Variants in KHDRBS2 observed in about 807,000 individuals in gnomAD.
KHDRBS2 encodes KH RNA binding domain containing, signal transduction associated 2, also known as KH domain-containing, RNA-binding, signal transduction-associated protein 2.
KHDRBS2 carries 26 observed loss-of-function variants against 44.3 expected under a neutral mutation model. That is an observed-to-expected ratio of 0.59 (90% confidence interval 0.43 to 0.81). KHDRBS2 has a LOEUF of 0.81. Among genes scored for constraint, KHDRBS2 ranks in the 40% least tolerant of loss-of-function variants. The pLI is 0.00. For missense variants in KHDRBS2, 476 were observed against 433.1 expected (o/e 1.10, Z -0.88); for synonymous variants, 194 against 151.1 (o/e 1.28, Z -2.08).
At chr6:62,282,796 C>T (rs1186419482) in intron 1 of KHDRBS2, among the ~76,000 whole-genome samples, 3 of 152,084 alleles carry the variant, frequency 2.0e-5, no homozygotes, top group Non-Finnish European at 4.4e-5. Context: ...AACATCACTT[C>T]GTTGTATCAT....
In KHDRBS2 at chr6:62,209,854, C is replaced by T. The variant is rs116082182; in HGVS notation, c.92-32542G>A. The stretch of plus-strand genomic sequence containing the variant: ...TACTCCAAGTTCTTTAGCTTTTGGA[C>T]TCTTGAATTCACACCAGTGATTTGC... On this transcript the variant is annotated intron_variant, in intron 1 of 8. Coordinates refer to ENST00000281156, the MANE Select transcript of KHDRBS2 (RefSeq NM_152688.4). 3.0e-3 allele frequency among the ~76,000 whole-genome samples: 453 copies of T among 152,286 alleles called. 3 individuals are homozygous for T. The highest frequency in any genetic ancestry group is 5.0e-3 in the Non-Finnish European group (341 of 68,022).
intron 4 of KHDRBS2, among the ~76,000 whole-genome samples, chr6:61,972,020 T>G (rs1174483189): frequency 6.6e-6 from 1 of 152,158 alleles, no homozygotes; most frequent in South Asian, 2.1e-4. Context: ...TTCACCTATT[T>G]CCAATTCTTA....
intron 6 of KHDRBS2, among the ~76,000 whole-genome samples, chr6:61,883,252 G>C (rs1307857631): frequency 6.6e-6 from 1 of 151,970 alleles, no homozygotes; most frequent in African/African-American, 2.4e-5. Context: ...TGAGATGGCA[G>C]TTTGTCATTT....
At chr6:62,023,944 T>G (rs1028971020) in intron 3 of KHDRBS2, among the ~76,000 whole-genome samples, 4 of 151,214 alleles carry the variant, frequency 2.6e-5, no homozygotes, top group African/African-American at 7.3e-5. Context: ...TAAACATCTA[T>G]GTAGTTATTT....
the KHDRBS2 span, among the ~76,000 whole-genome samples, chr6:61,564,811 A>C: frequency 6.6e-6 from 1 of 152,102 alleles, no homozygotes; most frequent in Non-Finnish European, 1.5e-5. Context: ...GTAGACAAAA[A>C]AAGGTCCCAT....
intron 1 of KHDRBS2, among the ~76,000 whole-genome samples, chr6:62,206,215 C>T (rs1434118761): frequency 6.6e-6 from 1 of 152,044 alleles, no homozygotes; most frequent in African/African-American, 2.4e-5. Context: ...AAATCATTAA[C>T]ATGATAAGTA....
At chr6:61,688,822 C>T (rs1767078732) in intron 8 of KHDRBS2, among the ~76,000 whole-genome samples, 1 of 151,866 alleles carries the variant, frequency 6.6e-6, no homozygotes, top group African/African-American at 2.4e-5. Context: ...AGTCTTTGTC[C>T]CTGGTTACTG....
intron 6 of KHDRBS2, among the ~76,000 whole-genome samples, chr6:61,800,473 T>G (rs978392405): frequency 2.6e-5 from 4 of 152,160 alleles, no homozygotes; most frequent in African/African-American, 9.7e-5. Flanking sequence ...CTCAGAGTTA[T>G]CATGTCCAAA....
At chr6:62,065,148 G>T (rs1793262679) in intron 2 of KHDRBS2, among the ~76,000 whole-genome samples, 1 of 150,932 alleles carries the variant, frequency 6.6e-6, no homozygotes, top group South Asian at 2.1e-4. Flanking sequence ...TGCTGGAGAG[G>T]ATGTGGAGAA....
intron 6 of KHDRBS2, among the ~76,000 whole-genome samples, chr6:61,863,085 A>C (rs921530160): frequency 2.6e-5 from 4 of 151,822 alleles, no homozygotes; most frequent in African/African-American, 4.8e-5. Context: ...AGGTGTTATA[A>C]TATTCTCTGA....
At position 61,718,579 on chromosome 6, in the gene KHDRBS2, T is replaced by C. The variant is rs1485231309; in HGVS notation, c.893+14103A>G. Among the ~76,000 whole-genome samples, 4 of 152,074 alleles carry C rather than the reference T, an allele frequency of 2.6e-5. No individual in the cohort carries two copies. The East Asian group carries it at 7.7e-4, about 29-fold the overall frequency. ...ATTGGATTGGTTTTCCTCTGCTTCC[T>C]ACTGGGTCCATCCAGTGGGAGTAAT... is the stretch of plus-strand genomic sequence containing the variant. On this transcript the variant is annotated intron_variant, in intron 7 of 8. Transcript: ENST00000281156.
At chr6:61,790,097 G>A (rs1398148673) in intron 6 of KHDRBS2, among the ~76,000 whole-genome samples, 3 of 151,390 alleles carry the variant, frequency 2.0e-5, no homozygotes, top group Non-Finnish European at 3.0e-5. Flanking sequence ...TATATCCAGA[G>A]CAAGATTATG....
chr6:61,651,088 C>T, the KHDRBS2 span, among the ~76,000 whole-genome samples: 1 of 151,972 alleles, frequency 6.6e-6, no homozygotes, highest in Non-Finnish European at 1.5e-5. Flanking sequence ...AATAATAATA[C>T]AAATAATAAG....
intron 4 of KHDRBS2, among the ~76,000 whole-genome samples, chr6:61,951,220 A>G (rs1764669752): frequency 6.6e-6 from 1 of 152,026 alleles, no homozygotes; most frequent in African/African-American, 2.4e-5. Flanking sequence ...TACTAGAGAA[A>G]AGGTGTCTTT....
chr6:61,721,212 T>C (rs1772455155), intron 7 of KHDRBS2, among the ~76,000 whole-genome samples: 1 of 152,174 alleles, frequency 6.6e-6, no homozygotes. Context: ...TCAGGTAGTG[T>C]GATGCCTCCA....
intron 6 of KHDRBS2, among the ~76,000 whole-genome samples, chr6:61,847,732 T>G (rs192477431): frequency 6.6e-6 from 1 of 152,236 alleles, no homozygotes; most frequent in East Asian, 1.9e-4. Flanking sequence ...GTTTTCTTTC[T>G]CTACTTCCTT....
intron 6 of KHDRBS2, among the ~76,000 whole-genome samples, chr6:61,803,883 A>G (rs889921103): frequency 6.6e-6 from 1 of 152,042 alleles, no homozygotes; most frequent in African/African-American, 2.4e-5. Flanking sequence ...CCATGATCTA[A>G]TCACCTCCCA....
chr6:61,952,166 A>AT (rs1415317349), intron 4 of KHDRBS2, among the ~76,000 whole-genome samples: 1 of 152,024 alleles, frequency 6.6e-6, no homozygotes, highest in Non-Finnish European at 1.5e-5. Context: ...ACTTTGTTCC[A>AT]TTTTTTACTT....
chr6:61,719,885 G>C (rs931849281), intron 7 of KHDRBS2, among the ~76,000 whole-genome samples: 2 of 151,862 alleles, frequency 1.3e-5, no homozygotes, highest in Non-Finnish European at 2.9e-5. Context: ...CCACTAACTC[G>C]TCATCTAGCA....
Sources: allele counts gnomAD v4.1 joint callset (sites outside exome capture counted in the v4.1 genomes callset), GRCh38; gene constraint gnomAD v4.1.1; transcripts MANE v1.5; gene names NCBI Gene and HGNC (gene_info 2026-07-23, HGNC 2026-07-21).